Variants in TMC1 observed in about 807,000 individuals in gnomAD.
TMC1 encodes transmembrane channel like 1.
A neutral mutation model predicts 105.8 loss-of-function variants in TMC1; 84 were observed. That is an observed-to-expected ratio of 0.79 (90% CI 0.67 to 0.95). TMC1 has a LOEUF of 0.95. Among genes scored for constraint, TMC1 ranks in the 40% least tolerant of loss-of-function variants. The probability of loss-of-function intolerance (pLI) is 0.00; values close to 1 mark genes in which losing one functional copy is unlikely to be tolerated. For missense variants in TMC1, 817 were observed against 914.1 expected, an observed-to-expected ratio of 0.89 and a Z score of 1.37; for synonymous variants, 315 against 311.5, an observed-to-expected ratio of 1.01 and a Z score of -0.12.
At chr9:72,672,539 T>TG (rs1826139366) in intron 5 of TMC1, among the ~76,000 whole-genome samples, 1 of 151,962 alleles carries the variant, frequency 6.6e-6, no homozygotes, top group South Asian at 2.1e-4. Flanking sequence ...TATTGCCACT[T>TG]GCAGTATAAA....
At chr9:72,583,800 T>G (rs1352283078) in intron 2 of TMC1, among the ~76,000 whole-genome samples, 3 of 152,230 alleles carry the variant, frequency 2.0e-5, no homozygotes, top group African/African-American at 7.2e-5. Flanking sequence ...GGCTTTAGTT[T>G]ACAAAATATG....
intron 1 of TMC1, among the ~76,000 whole-genome samples, chr9:72,575,053 A>C (rs1263518877): frequency 6.6e-6 from 1 of 151,938 alleles, no homozygotes; most frequent in Non-Finnish European, 1.5e-5. Context: ...TTTCCCTCCC[A>C]GCCCCTCCTT....
chr9:72,652,516 A>T (rs879706694), intron 5 of TMC1, among the ~76,000 whole-genome samples: 1 of 152,166 alleles, frequency 6.6e-6, no homozygotes, highest in Non-Finnish European at 1.5e-5. Flanking sequence ...GCGAGATGAG[A>T]GGAGAAGCTA....
chr9:72,661,019 G>A (rs1588017981), intron 5 of TMC1, among the ~76,000 whole-genome samples: 4 of 152,114 alleles, frequency 2.6e-5, no homozygotes, highest in Non-Finnish European at 4.4e-5. Context: ...ATGCATGGTG[G>A]CACGCGCCTG....
intron 1 of TMC1, among the ~76,000 whole-genome samples, chr9:72,550,764 C>G (rs2132071780): frequency 6.6e-6 from 1 of 152,040 alleles, no homozygotes; most frequent in Non-Finnish European, 1.5e-5. Flanking sequence ...CTTCTTCCCT[C>G]TCCCAAGATG....
chr9:72,602,809 T>C (rs538133589), intron 2 of TMC1, among the ~76,000 whole-genome samples: 18 of 152,294 alleles, frequency 1.2e-4, no homozygotes, highest in Non-Finnish European at 2.2e-4. Context: ...GAAAAAACAT[T>C]TGTATTTTTA....
chr9:72,666,185 G>A (rs1826039493), intron 5 of TMC1, among the ~76,000 whole-genome samples: 1 of 152,170 alleles, frequency 6.6e-6, no homozygotes, highest in African/African-American at 2.4e-5. Flanking sequence ...GGAGGCCAAG[G>A]CGGGAGGATT....
At chr9:72,664,637 T>C (rs1826014402) in intron 5 of TMC1, among the ~76,000 whole-genome samples, 1 of 151,994 alleles carries the variant, frequency 6.6e-6, no homozygotes, top group Non-Finnish European at 1.5e-5. Context: ...ATGGGGATGG[T>C]CAGAGAGGAG....
At chr9:72,574,182 A>T (rs1054613491) in intron 1 of TMC1, among the ~76,000 whole-genome samples, 1 of 152,224 alleles carries the variant, frequency 6.6e-6, no homozygotes, top group Non-Finnish European at 1.5e-5. Context: ...TCCATGCTCC[A>T]TATGGATATT....
intron 5 of TMC1, among the ~76,000 whole-genome samples, chr9:72,653,521 T>C (rs1020055356): frequency 3.9e-5 from 6 of 152,232 alleles, no homozygotes; most frequent in Non-Finnish European, 8.8e-5. Flanking sequence ...ACAATGTAGA[T>C]GAATCTCAAA....
At chr9:72,788,167 A>G (rs540899889) in intron 13 of TMC1, among the ~76,000 whole-genome samples, 172 bp from the exon 14 acceptor site, 16 of 152,234 alleles carry the variant, frequency 1.1e-4, no homozygotes, top group Non-Finnish European at 2.1e-4. Flanking sequence ...CAACAACTGA[A>G]CAAAAATAAA....
chr9:72,619,805 CTTATTTAA>C lies in TMC1; in HGVS notation c.-196+3332_-196+3339del, dbSNP rs1357439577. Among the ~76,000 whole-genome samples, 18 of 148,988 alleles carry C rather than the reference CTTATTTAA, an allele frequency of 1.2e-4. No individual in the cohort carries two copies. The Admixed American group carries it at 1.2e-3, about 10-fold the overall frequency. On this transcript the variant is annotated intron_variant, in intron 3 of 23. Coordinates refer to ENST00000297784, the MANE Select transcript of TMC1 (RefSeq NM_138691.3). ...GTAGGAAACTACAGATCTAATTTAA[CTTATTTAA>C]TTAATTAATTAATTAATTAATTTAT... is the stretch of plus-strand genomic sequence containing the variant.
intron 10 of TMC1, among the ~76,000 whole-genome samples, chr9:72,745,637 G>A (rs1486844825): frequency 6.6e-6 from 1 of 152,098 alleles, no homozygotes; most frequent in Non-Finnish European, 1.5e-5. Context: ...TGAAACCTAT[G>A]TAAGAATATA....
rs569673367 is a variant in TMC1 at position 72,543,385 on chromosome 9, T to G, written c.-428+21472T>G. Among the ~76,000 whole-genome samples, 5 of 152,322 alleles carry G rather than the reference T, an allele frequency of 3.3e-5. No homozygotes were observed. In the South Asian group the frequency reaches 1.0e-3, roughly 32 times the overall value. On this transcript the variant is annotated intron_variant, in intron 1 of 23. Coordinates refer to ENST00000297784, the MANE Select transcript of TMC1 (RefSeq NM_138691.3). ...CTAGTCTGTCCAGAGCTACAACCAC[T>G]TCCCTTATAGATTATTGGAATAACC... is the stretch of plus-strand genomic sequence containing the variant.
intron 5 of TMC1, 112 bp downstream of exon 5, chr9:72,648,776 C>A: frequency 1.1e-6 from 1 of 946,308 alleles, no homozygotes; most frequent in Non-Finnish European, 1.7e-6. Flanking sequence ...TCTTTTGGGG[C>A]TTTCCCTTTT....
intron 17 of TMC1, among the ~76,000 whole-genome samples, chr9:72,793,073 A>G (rs1588086051): frequency 6.6e-6 from 1 of 152,264 alleles, no homozygotes; most frequent in East Asian, 1.9e-4. Context: ...AACCCACTCC[A>G]CCTGGGCCTT....
chr9:72,791,864 T>C (rs1443802376), intron 15 of TMC1, 22 bp from the exon 16 acceptor site: 1 of 1,605,838 alleles, frequency 6.2e-7, no homozygotes, highest in Non-Finnish European at 8.5e-7. Flanking sequence ...TAACCTAGTT[T>C]CTCCCTTGTG....
intron 2 of TMC1, among the ~76,000 whole-genome samples, chr9:72,587,381 C>G (rs554860968): frequency 6.6e-6 from 1 of 152,276 alleles, no homozygotes; most frequent in African/African-American, 2.4e-5. Flanking sequence ...TGGTCTTGAA[C>G]TCCTGACCTC....
Position 72,622,679 on chromosome 9 carries a change from G to C in TMC1, c.-195-5242G>C, listed in dbSNP as rs368050758. Among the ~76,000 whole-genome samples the C allele has an allele frequency of 4.6e-5, 7 of 152,218 alleles. No homozygotes were observed. The East Asian group carries it at 9.7e-4, about 21-fold the overall frequency. ...ATACCAGACTTGTTAAATAAGTAGG[G>C]AGCTATCCACACACTGGCATAAAAT... is the stretch of plus-strand genomic sequence containing the variant. On this transcript the variant is annotated intron_variant, in intron 3 of 23. Transcript: ENST00000297784.
Sources: allele counts gnomAD v4.1 joint callset (sites outside exome capture counted in the v4.1 genomes callset), GRCh38; gene constraint gnomAD v4.1.1; transcripts MANE v1.5; gene names NCBI Gene and HGNC (gene_info 2026-07-23, HGNC 2026-07-21).